Variants in RNF115 observed in about 807,000 individuals in gnomAD.
RNF115 encodes E3 ubiquitin-protein ligase RNF115.
A neutral mutation model predicts 39.2 loss-of-function variants in RNF115; 31 were observed. The observed-to-expected ratio is 0.79, with a 90% confidence interval of 0.59 to 1.07. The LOEUF (loss-of-function observed/expected upper bound fraction) is 1.07, where lower values mean the gene tolerates loss of function less well. Ranked by LOEUF, RNF115 falls within the 50% of genes least tolerant of loss-of-function variation. The pLI, the probability that RNF115 is intolerant of heterozygous loss-of-function variation, is 0.00. For missense variants in RNF115, 384 were observed against 381.7 expected (o/e 1.01, Z -0.05); for synonymous variants, 124 against 131.0 (o/e 0.95, Z 0.37).
chr1:145,760,705 T>C (rs1658469341), intron 4 of RNF115, among the ~76,000 whole-genome samples: 1 of 152,178 alleles, frequency 6.6e-6, no homozygotes, highest in Admixed American at 6.5e-5. Context: ...GGTATGTCTT[T>C]ATCAGCAGCG....
Position 145,820,932 on chromosome 1 carries a change from GATTT to G in RNF115, c.102+2836_102+2839del, listed in dbSNP as rs1289237661. On this transcript the variant is annotated intron_variant, in intron 1 of 8. Transcript: ENST00000582693. ...CAACTTTTAGTTGTGAAAAAAACATGATTTATTAAATATTTCTCCCTTCTTCATC... is the reference window on the plus strand; with the variant it reads ...CAACTTTTAGTTGTGAAAAAAACATGATTAAATATTTCTCCCTTCTTCATC... 3.0e-5 allele frequency among the ~76,000 whole-genome samples: 4 copies of G among 131,166 alleles called. No homozygotes were observed. The South Asian group carries it at 8.4e-4, about 28-fold the overall frequency. The allele number at this position is 131,166 out of a possible 152,430, so 86.0% of individuals were successfully genotyped here. A position where few individuals can be genotyped will look rare whatever the true frequency, so the allele number is the denominator to read the frequency against.
At chr1:145,754,681 T>G (rs1658232323) in intron 4 of RNF115, among the ~76,000 whole-genome samples, 1 of 152,140 alleles carries the variant, frequency 6.6e-6, no homozygotes, top group Non-Finnish European at 1.5e-5. Flanking sequence ...GTACAACAGA[T>G]CTCTTGAACT....
At chr1:145,758,973 A>C (rs1411697815) in intron 4 of RNF115, among the ~76,000 whole-genome samples, 1 of 152,224 alleles carries the variant, frequency 6.6e-6, no homozygotes, top group Non-Finnish European at 1.5e-5. Flanking sequence ...TATACATTTA[A>C]TTTTAGAAAC....
At chr1:145,787,571 CAAAAAAAAAAAAA>C (rs1192063003) in intron 2 of RNF115, among the ~76,000 whole-genome samples, 1 of 88,904 alleles carries the variant, frequency 1.1e-5, no homozygotes, top group Non-Finnish European at 2.2e-5. Flanking sequence ...GACTCCGTCA[CAAAAAAAAAAAAA>C]AAAAAAAGAA....
chr1:145,779,744 C>A (rs1553717043), intron 3 of RNF115, among the ~76,000 whole-genome samples: 1 of 151,968 alleles, frequency 6.6e-6, no homozygotes, highest in African/African-American at 2.4e-5. Flanking sequence ...CCCACTGCAA[C>A]CTCCGCCTCC....
intron 4 of RNF115, among the ~76,000 whole-genome samples, chr1:145,765,701 CAGATA>C (rs1553714690): frequency 2.6e-5 from 4 of 152,138 alleles, no homozygotes; most frequent in African/African-American, 2.4e-5. Flanking sequence ...CACTTAAAGT[CAGATA>C]AGATGAGCTA....
chr1:145,820,506 A>G (rs1346003744), intron 1 of RNF115, among the ~76,000 whole-genome samples: 2 of 151,334 alleles, frequency 1.3e-5, no homozygotes, highest in African/African-American at 4.9e-5. Context: ...TTGGGAGGCC[A>G]AGGTGGGCAT....
chr1:145,743,783 AAAATAAATAAAT>A lies in RNF115; in HGVS notation c.*3071_*3082del, dbSNP rs782601840. ...GCGACAGAGCAAGCCTCCATCTCAAAAAATAAATAAATAAATAAATAAATAAATAAATAATAA... is the reference window on the plus strand; with the variant it reads ...GCGACAGAGCAAGCCTCCATCTCAAAAAATAAATAAATAAATAAATAATAA... On this transcript the variant is annotated 3_prime_UTR_variant, in exon 9 of 9. Transcript: ENST00000582693. The A allele has an allele frequency of 4.2e-5, 2 of 47,898 alleles. No individual in the cohort carries two copies. Among genetic ancestry groups the A allele is most frequent in the South Asian group, 2.0e-3 (2 of 982 alleles). The allele number at this position is 47,898 out of a possible 1,614,324, so 3.0% of individuals were successfully genotyped here. A position where few individuals can be genotyped will look rare whatever the true frequency, so the allele number is the denominator to read the frequency against.
intron 1 of RNF115, among the ~76,000 whole-genome samples, chr1:145,789,558 C>T (rs1025545188): frequency 3.6e-4 from 54 of 150,060 alleles, no homozygotes; most frequent in Non-Finnish European, 7.1e-4. Context: ...GACAACACGC[C>T]TGGCTAATTT....
chr1:145,751,312 C>A, intron 6 of RNF115, 126 bp downstream of exon 6: 1 of 650,980 alleles, frequency 1.5e-6, no homozygotes, highest in Non-Finnish European at 2.7e-6. Flanking sequence ...AAAATGGAAA[C>A]CCCAAAGCTC....
chr1:145,769,236 G>A (rs1647527354), intron 4 of RNF115, among the ~76,000 whole-genome samples: 1 of 152,084 alleles, frequency 6.6e-6, no homozygotes. Flanking sequence ...TAAACTCTCT[G>A]TGCCTCAGTT....
chr1:145,770,284 A>C (rs1189666478), intron 4 of RNF115, among the ~76,000 whole-genome samples: 3 of 152,234 alleles, frequency 2.0e-5, no homozygotes, highest in Admixed American at 6.5e-5. Flanking sequence ...AGTTTAACAA[A>C]GAAACACTAA....
At chr1:145,799,058 A>C (rs1649106142) in intron 1 of RNF115, among the ~76,000 whole-genome samples, 1 of 150,660 alleles carries the variant, frequency 6.6e-6, no homozygotes, top group Admixed American at 6.6e-5. Flanking sequence ...TTTTTGTGGA[A>C]TGTTTAGGGT....
At chr1:145,775,435 G>A (rs781783691) in intron 3 of RNF115, among the ~76,000 whole-genome samples, 8 of 144,152 alleles carry the variant, frequency 5.5e-5, no homozygotes, top group East Asian at 2.0e-4. Context: ...CAACTCGGTC[G>A]CTCAGGCTGG....
At chr1:145,816,640 T>C (rs1406879230) in intron 1 of RNF115, among the ~76,000 whole-genome samples, 1 of 139,316 alleles carries the variant, frequency 7.2e-6, no homozygotes, top group African/African-American at 2.5e-5. Flanking sequence ...AGAAACCTAG[T>C]GAGAGCTCAT....
intron 4 of RNF115, among the ~76,000 whole-genome samples, chr1:145,758,235 G>T (rs1193905356): frequency 1.3e-5 from 2 of 152,030 alleles, no homozygotes; most frequent in Non-Finnish European, 2.9e-5. Context: ...CATTCTCTTG[G>T]ATCACTAACT....
intron 1 of RNF115, among the ~76,000 whole-genome samples, chr1:145,793,496 TCA>T (rs1162327065): frequency 6.6e-6 from 1 of 152,074 alleles, no homozygotes; most frequent in Non-Finnish European, 1.5e-5. Context: ...TCTCCCTCTC[TCA>T]CTCATTCCTA....
At chr1:145,776,011 T>G (rs2101541269) in intron 3 of RNF115, among the ~76,000 whole-genome samples, 1 of 147,806 alleles carries the variant, frequency 6.8e-6, no homozygotes, top group South Asian at 2.2e-4. Flanking sequence ...AAAATAAAAA[T>G]AAAAATAAAA....
At position 145,781,802 on chromosome 1, in the gene RNF115, T is replaced by C. The variant is rs181484634; in HGVS notation, c.219+2737A>G. 1.6e-3 allele frequency among the ~76,000 whole-genome samples: 239 copies of C among 152,234 alleles called. 3 individuals are homozygous for C. Among genetic ancestry groups the C allele is most frequent in the Middle Eastern group, 3.4e-3 (1 of 294 alleles). On this transcript the variant is annotated intron_variant, in intron 3 of 8. Transcript: ENST00000582693. The stretch of plus-strand genomic sequence containing the variant: ...GGCTGTGTTCTTAATCACTGTTATA[T>C]GACCTCTCCTCAAGACCCTGGCCCA...
Sources: gnomAD v4.1 joint callset for allele counts (sites outside exome capture counted in the v4.1 genomes callset) on GRCh38, gnomAD v4.1.1 for gene constraint, MANE v1.5 for transcripts, NCBI Gene and HGNC (gene_info 2026-07-23, HGNC 2026-07-21) for gene names.